Variants in RIMBP2 observed in about 807,000 individuals in gnomAD.
RIMBP2 encodes the protein RIMS-binding protein 2.
Under a neutral mutation model 118.6 loss-of-function variants are expected in RIMBP2, and 48 were observed. The observed-to-expected ratio is 0.40, with a 90% confidence interval of 0.32 to 0.51. The LOEUF (loss-of-function observed/expected upper bound fraction) is 0.51. RIMBP2 is among the 20% of genes least tolerant of loss of function. The pLI, the probability that RIMBP2 is intolerant of heterozygous loss-of-function variation, is 0.41. For missense variants in RIMBP2, 1,551 were observed against 1,768.3 expected (o/e 0.88, Z 2.20); for synonymous variants, 762 against 742.9 (o/e 1.03, Z -0.42).
intron 2 of RIMBP2, among the ~76,000 whole-genome samples, chr12:130,603,143 C>T (rs983287888): frequency 6.6e-6 from 1 of 152,122 alleles, no homozygotes; most frequent in African/African-American, 2.4e-5. Context: ...GAAAACATGG[C>T]CATCACTAGC....
chr12:130,488,167 C>T (rs965783928), intron 4 of RIMBP2, among the ~76,000 whole-genome samples: 5 of 152,042 alleles, frequency 3.3e-5, no homozygotes, highest in African/African-American at 9.7e-5. Context: ...CCAAAGATTC[C>T]ACATTTCACC....
At chr12:130,445,043 G>T in intron 10 of RIMBP2, 117 bp downstream of exon 10, 1 of 652,396 alleles carries the variant, frequency 1.5e-6, no homozygotes, top group Non-Finnish European at 2.7e-6. Context: ...AGAGAGGAGG[G>T]CTGGGTGGCC....
rs756635844 is a variant in RIMBP2, at chr12:130,438,353, A to G, written c.1656+12T>C. Reference sequence around the variant, plus strand: ...CTAACAAACCCTCCCCACCCACCCAACGAAAACTCACCCTCTGCCCTTTGG... The same window carrying G: ...CTAACAAACCCTCCCCACCCACCCAGCGAAAACTCACCCTCTGCCCTTTGG... On this transcript the variant is annotated intron_variant, in intron 12 of 22. Transcript: ENST00000690449. The G allele has an allele frequency of 3.3e-6, 4 of 1,210,996 alleles. No individual in the cohort carries two copies. The highest frequency in any genetic ancestry group is 3.5e-6 in the Non-Finnish European group (3 of 849,954). The allele number at this position is 1,210,996 out of a possible 1,614,324, so 75.0% of individuals were successfully genotyped here. A position where few individuals can be genotyped will look rare whatever the true frequency, so the allele number is the denominator to read the frequency against.
chr12:130,598,430 C>CA (rs1051976284), intron 2 of RIMBP2, among the ~76,000 whole-genome samples: 3 of 151,888 alleles, frequency 2.0e-5, no homozygotes, highest in African/African-American at 4.8e-5. Flanking sequence ...TAGACCCTGC[C>CA]AAAAAAACAA....
intron 2 of RIMBP2, among the ~76,000 whole-genome samples, chr12:130,601,908 T>C (rs1214560227): frequency 6.6e-6 from 1 of 152,214 alleles, no homozygotes; most frequent in Non-Finnish European, 1.5e-5. Flanking sequence ...TTTAACTAAA[T>C]GGAATGTCAA....
At position 130,681,214 on chromosome 12, in the gene RIMBP2, T is replaced by C. The variant is rs140132143; in HGVS notation, c.-352+35008A>G. Among the ~76,000 whole-genome samples, 719 of 152,086 alleles carry C rather than the reference T, an allele frequency of 4.7e-3. 9 individuals are homozygous for C. The highest frequency in any genetic ancestry group is 0.016 in the African/African-American group (684 of 41,494). On this transcript the variant is annotated intron_variant, in intron 1 of 22. Coordinates refer to ENST00000690449, the MANE Select transcript of RIMBP2 (RefSeq NM_001393629.1). ...ACCCTAGTACTTTGGGAGGTCAAGG[T>C]GGGAGGATCACTTGAGGTCAGGAGT...
chr12:130,410,995 A>C (rs1038877045), intron 19 of RIMBP2, among the ~76,000 whole-genome samples: 22 of 152,194 alleles, frequency 1.4e-4, no homozygotes, highest in Admixed American at 1.1e-3. Flanking sequence ...CTCTCTGTCC[A>C]TGTATTTAGG....
chr12:130,405,697 C>T (rs1279175958), intron 21 of RIMBP2, among the ~76,000 whole-genome samples: 1 of 152,080 alleles, frequency 6.6e-6, no homozygotes, highest in East Asian at 1.9e-4. Flanking sequence ...TGGGGGGTTC[C>T]AAGCTGCTAA....
At chr12:130,412,479 T>C (rs2075793175) in intron 19 of RIMBP2, 140 bp downstream of exon 19, 9 of 812,030 alleles carry the variant, frequency 1.1e-5, no homozygotes, top group Non-Finnish European at 1.5e-5. Context: ...CCAAGAAAAA[T>C]CACTGGTCAA....
At position 130,576,681 on chromosome 12, in the gene RIMBP2, G is replaced by A. The variant is rs1397703410; in HGVS notation, c.-217+51641C>T. ...CTGGCAGGACAGGGAGGACGGCAGG[G>A]AGTCCTTAGCACAAACTGCCAGCAG... On this transcript the variant is annotated intron_variant, in intron 2 of 22. Transcript: ENST00000690449. This position sits in a 1 kb window ranked among gnomAD's most constrained non-coding sequence, Gnocchi z 4.2. 2.0e-5 allele frequency among the ~76,000 whole-genome samples: 3 copies of A among 152,208 alleles called. No homozygotes were observed. Among genetic ancestry groups the A allele is most frequent in the Non-Finnish European group, 4.4e-5 (3 of 68,034 alleles).
intron 1 of RIMBP2, among the ~76,000 whole-genome samples, chr12:130,685,652 G>C (rs759430977): frequency 1.9e-4 from 29 of 152,104 alleles, no homozygotes; most frequent in Non-Finnish European, 3.4e-4. Context: ...ACTGGGCCTC[G>C]TGCTTCTGAG....
chr12:130,430,968 GTCA>G (rs1272444411), intron 14 of RIMBP2, among the ~76,000 whole-genome samples: 1 of 152,004 alleles, frequency 6.6e-6, no homozygotes, highest in African/African-American at 2.4e-5. Flanking sequence ...CCCACATCCG[GTCA>G]TCAAGACGTA....
chr12:130,461,962 C>CA (rs1184489655), intron 6 of RIMBP2, among the ~76,000 whole-genome samples: 3 of 15,406 alleles, frequency 1.9e-4, no homozygotes, highest in Non-Finnish European at 6.4e-3. Context: ...TTCAATTCAC[C>CA]GGAAGTCTCA....
At chr12:130,473,702 G>A (rs1359046220) in intron 5 of RIMBP2, among the ~76,000 whole-genome samples, 3 of 152,130 alleles carry the variant, frequency 2.0e-5, no homozygotes, top group Non-Finnish European at 4.4e-5. Context: ...CCGCAGAGCT[G>A]AGGGCTGATG....
chr12:130,506,726 C>A lies in RIMBP2; in HGVS notation c.-82G>T, dbSNP rs2050393038. On this transcript the variant is annotated 5_prime_UTR_variant, in exon 4 of 23. It removes the in-frame stop codon of an upstream open reading frame in the 5' UTR. Coordinates refer to ENST00000690449, the MANE Select transcript of RIMBP2 (RefSeq NM_001393629.1). Reference sequence around the variant, plus strand: ...TCACGGCCAAATCGCGCTCTCTGGTCACGAGGGTGAGCGGATGGTTGAGAT... The same window carrying A: ...TCACGGCCAAATCGCGCTCTCTGGTAACGAGGGTGAGCGGATGGTTGAGAT... 1.0e-6 allele frequency: 1 copy of A among 985,758 alleles called. No individual in the cohort carries two copies. Among genetic ancestry groups the A allele is most frequent in the African/African-American group, 1.7e-5 (1 of 57,332 alleles). 61.1% of individuals were successfully genotyped at this position (985,758 alleles called of 1,614,324 possible).
chr12:130,397,786 C>A, intron 22 of RIMBP2: 1 of 331,302 alleles, frequency 3.0e-6, no homozygotes, highest in Non-Finnish European at 5.4e-6. Flanking sequence ...GCGGGGTGGC[C>A]GTTGCTTTGG....
chr12:130,655,835 C>T (rs1253031973), intron 1 of RIMBP2, among the ~76,000 whole-genome samples: 1 of 152,204 alleles, frequency 6.6e-6, no homozygotes, highest in Non-Finnish European at 1.5e-5. Context: ...TGGCTTCAGA[C>T]AGAGCAGCTC....
Position 130,523,179 on chromosome 12 carries a change from CTCTCTG to C in RIMBP2, c.-216-5268_-216-5263del, listed in dbSNP as rs1345889853. ...TCTGTCTGTGTCTCTGTTTCTCTGC[CTCTCTG>C]TCTCTATTTCTCTGTGTTGGGGGGG... On this transcript the variant is annotated intron_variant, in intron 2 of 22. Coordinates refer to ENST00000690449, the MANE Select transcript of RIMBP2 (RefSeq NM_001393629.1). This position sits in a 1 kb window ranked among gnomAD's most constrained non-coding sequence, Gnocchi z 4.4. 5.3e-5 allele frequency among the ~76,000 whole-genome samples: 8 copies of C among 152,108 alleles called. No homozygotes were observed. Among genetic ancestry groups the C allele is most frequent in the Admixed American group, 2.0e-4 (3 of 15,272 alleles).
chr12:130,572,328 T>C (rs2057737960), intron 2 of RIMBP2, among the ~76,000 whole-genome samples: 1 of 152,138 alleles, frequency 6.6e-6, no homozygotes. Flanking sequence ...CCAAATGCAC[T>C]CACAGTAACC....
Sources: allele counts gnomAD v4.1 joint callset (sites outside exome capture counted in the v4.1 genomes callset), GRCh38; gene constraint gnomAD v4.1.1; non-coding constraint Gnocchi (gnomAD v3.1); transcripts MANE v1.5; gene names NCBI Gene and HGNC (gene_info 2026-07-23, HGNC 2026-07-21).